The following BRIP1 variants were observed in gnomAD, a reference collection of about 807,000 sequenced individuals.
The protein encoded by BRIP1 is BRCA1 interacting DNA helicase 1, also known as Fanconi anemia group J protein.
A neutral mutation model predicts 119.7 loss-of-function variants in BRIP1; 88 were observed. That is an observed-to-expected ratio of 0.74 (90% CI 0.62 to 0.88). The LOEUF (loss-of-function observed/expected upper bound fraction) is 0.88. BRIP1 is among the 40% of genes least tolerant of loss of function. The pLI is 0.00. For missense variants in BRIP1, 1,259 were observed against 1,455.4 expected, an observed-to-expected ratio of 0.87 and a Z score of 2.20; for synonymous variants, 443 against 496.5, an observed-to-expected ratio of 0.89 and a Z score of 1.43.
At chr17:61,849,536 A>G (rs1374966145) in intron 4 of BRIP1, among the ~76,000 whole-genome samples, 1 of 152,184 alleles carries the variant, frequency 6.6e-6, no homozygotes, top group Non-Finnish European at 1.5e-5. Flanking sequence ...TAAAATGTAT[A>G]ACTGCAAGGA....
chr17:61,770,668 T>A lies in BRIP1; in HGVS notation c.2097+5733A>T, dbSNP rs938139970. ...ATAGGATTAAAGCTTCTGCATTCTA[T>A]TGAAAATTAAATTAGTATTAATCCA... is the stretch of plus-strand genomic sequence containing the variant. On this transcript the variant is annotated intron_variant, in intron 14 of 19. Coordinates refer to ENST00000259008, the MANE Select transcript of BRIP1 (RefSeq NM_032043.3). This position sits in a 1 kb window ranked among gnomAD's most constrained non-coding sequence, Gnocchi z 4.7. Among the ~76,000 whole-genome samples, 2 of 152,092 alleles carry A rather than the reference T, an allele frequency of 1.3e-5. No homozygotes were observed. Among genetic ancestry groups the A allele is most frequent in the Non-Finnish European group, 2.9e-5 (2 of 68,016 alleles).
Position 61,768,680 on chromosome 17 carries a change from C to A in BRIP1, c.2097+7721G>T, listed in dbSNP as rs2077405044. Among the ~76,000 whole-genome samples, 1 of 152,224 alleles carries A rather than the reference C, an allele frequency of 6.6e-6. No homozygotes were observed. The highest frequency in any genetic ancestry group is 6.5e-5 in the Admixed American group (1 of 15,280). On this transcript the variant is annotated intron_variant, in intron 14 of 19. Coordinates refer to ENST00000259008, the MANE Select transcript of BRIP1 (RefSeq NM_032043.3). The surrounding 1 kb of genome is among the most constrained non-coding windows in gnomAD (Gnocchi z 5.0). ...CCCTGTGATAAAAAGTTTATGATAG[C>A]CCCTAAGATTCCTACTCCCTATATA...
Position 61,680,969 on chromosome 17 carries a change from TGAG to T in BRIP1, c.*2324_*2326del, listed in dbSNP as rs1257677223. Among the ~76,000 whole-genome samples, 2 of 152,182 alleles carry T rather than the reference TGAG, an allele frequency of 1.3e-5. No individual in the cohort carries two copies. The highest frequency in any genetic ancestry group is 2.9e-5 in the Non-Finnish European group (2 of 68,020). On this transcript the variant is annotated 3_prime_UTR_variant, in exon 20 of 20. Transcript: ENST00000259008. The stretch of plus-strand genomic sequence containing the variant: ...TAATTGACTCACAGTTCTGCATGAC[TGAG>T]GAGGCCTCAAGAAACTTACAATCAT...
rs147486481 is a variant in BRIP1, at chr17:61,713,309, T to TA, written c.2492+2641dup. Reference sequence around the variant, plus strand: ...TACAGTGTACTCCTTTCACTTACATTAAAAAAAAAGTTAACTATAAAACAG... The same window carrying TA: ...TACAGTGTACTCCTTTCACTTACATTAAAAAAAAAAGTTAACTATAAAACAG... On this transcript the variant is annotated intron_variant, in intron 17 of 19. Transcript: ENST00000259008. The surrounding 1 kb of genome is among the most constrained non-coding windows in gnomAD (Gnocchi z 4.9). Among the ~76,000 whole-genome samples the TA allele has an allele frequency of 0.08, 12,049 of 150,978 alleles. 611 individuals carry two copies. Among genetic ancestry groups the TA allele is most frequent in the South Asian group, 0.26 (1,226 of 4,764 alleles).
At chr17:61,763,465 AC>A (rs1211637863) in intron 14 of BRIP1, among the ~76,000 whole-genome samples, 2 of 152,038 alleles carry the variant, frequency 1.3e-5, no homozygotes, top group African/African-American at 4.8e-5. Context: ...TTCCTTGATG[AC>A]TTTTTTCCTT....
intron 5 of BRIP1, among the ~76,000 whole-genome samples, chr17:61,847,720 G>A (rs2145749248): frequency 6.6e-6 from 1 of 152,192 alleles, no homozygotes; most frequent in East Asian, 1.9e-4. Context: ...AAACCAAGTT[G>A]CCTTTGATTA....
rs1017797309 is a variant in BRIP1 at position 61,838,522 on chromosome 17, C to CGACA, written c.627+8575_627+8578dup. 1.3e-3 allele frequency among the ~76,000 whole-genome samples: 196 copies of CGACA among 149,838 alleles called. 1 individual carries two copies. The highest frequency in any genetic ancestry group is 4.7e-3 in the African/African-American group (190 of 40,698). On this transcript the variant is annotated intron_variant, in intron 6 of 19. Coordinates refer to ENST00000259008, the MANE Select transcript of BRIP1 (RefSeq NM_032043.3). ...TCGCGCCACTGCACTCCAGCCTGGGCGACAGAGCGAGACTCCCTCTCAAAA... is the reference window on the plus strand; with the variant it reads ...TCGCGCCACTGCACTCCAGCCTGGGCGACAGACAGAGCGAGACTCCCTCTCAAAA...
chr17:61,787,191 A>C (rs1315228171), intron 10 of BRIP1, among the ~76,000 whole-genome samples: 1 of 86,956 alleles, frequency 1.2e-5, no homozygotes, highest in African/African-American at 5.0e-5. Flanking sequence ...AATATATTAT[A>C]TACTATATAA....
At chr17:61,733,024 T>C (rs2076870739) in intron 16 of BRIP1, among the ~76,000 whole-genome samples, 1 of 152,130 alleles carries the variant, frequency 6.6e-6, no homozygotes, top group Non-Finnish European at 1.5e-5. Flanking sequence ...AGAAGAGTAA[T>C]TCAAAAGGGA....
rs1035688215 is a variant in BRIP1, at chr17:61,704,471, C to G, written c.2493-10959G>C. Among the ~76,000 whole-genome samples, 6 of 151,970 alleles carry G rather than the reference C, an allele frequency of 3.9e-5. No individual in the cohort carries two copies. Among genetic ancestry groups the G allele is most frequent in the Admixed American group, 3.9e-4 (6 of 15,244 alleles). On this transcript the variant is annotated intron_variant, in intron 17 of 19. Coordinates refer to ENST00000259008, the MANE Select transcript of BRIP1 (RefSeq NM_032043.3). The surrounding 1 kb of genome is among the most constrained non-coding windows in gnomAD (Gnocchi z 5.7). The stretch of plus-strand genomic sequence containing the variant: ...TTTGCTAGATAGCTATGCGTGTTAT[C>G]TGTTTCATCTTGGCCTCATAAAATA...
intron 16 of BRIP1, among the ~76,000 whole-genome samples, chr17:61,733,253 T>C (rs1459757003): frequency 2.0e-5 from 3 of 152,190 alleles, no homozygotes; most frequent in African/African-American, 2.4e-5. Context: ...CCAGGTGCAA[T>C]TGGCGCGAGT....
At chr17:61,719,470 A>G (rs1405253013) in intron 16 of BRIP1, among the ~76,000 whole-genome samples, 5 of 152,260 alleles carry the variant, frequency 3.3e-5, no homozygotes, top group East Asian at 3.9e-4. Flanking sequence ...CAGGCCTGTA[A>G]TCCCAGCACT....
rs999685219 is a variant in BRIP1 at position 61,687,478 on chromosome 17, T to C, written c.2576-1313A>G. Among the ~76,000 whole-genome samples, 1 of 152,088 alleles carries C rather than the reference T, an allele frequency of 6.6e-6. No individual in the cohort carries two copies. The highest frequency in any genetic ancestry group is 1.5e-5 in the Non-Finnish European group (1 of 68,012). On this transcript the variant is annotated intron_variant, in intron 18 of 19. Transcript: ENST00000259008. The surrounding 1 kb of genome is among the most constrained non-coding windows in gnomAD (Gnocchi z 5.1). ...ACGTGGAAAGGGAAGATAAAACAAA[T>C]AAAGCAATATTTTCTGCTTTATGTT...
rs1360007463 is a variant in BRIP1 at position 61,755,614 on chromosome 17, A to G, written c.2098-11023T>C. 6.6e-6 allele frequency among the ~76,000 whole-genome samples: 1 copy of G among 152,146 alleles called. No individual in the cohort carries two copies. The highest frequency in any genetic ancestry group is 1.5e-5 in the Non-Finnish European group (1 of 68,012). On this transcript the variant is annotated intron_variant, in intron 14 of 19. Coordinates refer to ENST00000259008, the MANE Select transcript of BRIP1 (RefSeq NM_032043.3). This position sits in a 1 kb window ranked among gnomAD's most constrained non-coding sequence, Gnocchi z 4.5. Reference sequence around the variant, plus strand: ...TAAGAGTATCCAGATGCTTTGTAAGATGACAAAGATGAGGGGGAAAGAAGG... The same window carrying G: ...TAAGAGTATCCAGATGCTTTGTAAGGTGACAAAGATGAGGGGGAAAGAAGG...
rs1001138934 is a variant in BRIP1 at position 61,846,133 on chromosome 17, G to T, written c.627+968C>A. 1.1e-4 allele frequency among the ~76,000 whole-genome samples: 16 copies of T among 151,710 alleles called. No homozygotes were observed. The highest frequency in any genetic ancestry group is 3.9e-4 in the African/African-American group (16 of 41,260). ...GGAGGCGGAGCTTGCAGTGGGCGGA[G>T]ATCACGCCACCGCACTTCCAGCCTG... On this transcript the variant is annotated intron_variant, in intron 6 of 19. Transcript: ENST00000259008. The surrounding 1 kb of genome is among the most constrained non-coding windows in gnomAD (Gnocchi z 4.3).
rs1398626535 is a variant in BRIP1 at position 61,784,422 on chromosome 17, T to A, written c.1476A>T (p.Gly492=). 1 of 1,612,116 alleles carries A rather than the reference T, an allele frequency of 6.2e-7. No individual in the cohort carries two copies. Among genetic ancestry groups the A allele is most frequent in the African/African-American group, 1.3e-5 (1 of 74,878 alleles). ...ITTATFPILQ[G]HFSAVLQKEE... The stretch of plus-strand genomic sequence containing the variant: ...CTTTTTGAAGAACAGCAGAAAAATG[T>A]CCCTATAAGAAATTACCATATTAAG... Residue 492 remains glycine, a splice_region_variant and synonymous_variant, in exon 11 of 20, where the codon GGA becomes GGT. Transcript: ENST00000259008.
In BRIP1 at chr17:61,825,182, G is replaced by A. The variant is rs2078386178; in HGVS notation, c.628-16425C>T. On this transcript the variant is annotated intron_variant, in intron 6 of 19. Transcript: ENST00000259008. This position sits in a 1 kb window ranked among gnomAD's most constrained non-coding sequence, Gnocchi z 4.1. The stretch of plus-strand genomic sequence containing the variant: ...CACCTGTAGTCTCAGCTACTAGGGA[G>A]GCTGAGGCAGGAGAATGGCGTGAAC... Among the ~76,000 whole-genome samples, 1 of 152,038 alleles carries A rather than the reference G, an allele frequency of 6.6e-6. No homozygotes were observed. The highest frequency in any genetic ancestry group is 1.5e-5 in the Non-Finnish European group (1 of 68,002).
rs1016042546 is a variant in BRIP1 at position 61,806,605 on chromosome 17, T to C, written c.918+1862A>G. 6.6e-6 allele frequency among the ~76,000 whole-genome samples: 1 copy of C among 152,232 alleles called. No homozygotes were observed. On this transcript the variant is annotated intron_variant, in intron 7 of 19. Coordinates refer to ENST00000259008, the MANE Select transcript of BRIP1 (RefSeq NM_032043.3). This position sits in a 1 kb window ranked among gnomAD's most constrained non-coding sequence, Gnocchi z 4.9. ...AAACGTAACCAGCACTGTAGGATTCTAGGTTACACAAAATGAAACTGTCTG... is the reference window on the plus strand; with the variant it reads ...AAACGTAACCAGCACTGTAGGATTCCAGGTTACACAAAATGAAACTGTCTG...
In BRIP1 at chr17:61,796,118, A is replaced by G. The variant is rs2077895368; in HGVS notation, c.1341-2389T>C. 6.6e-6 allele frequency among the ~76,000 whole-genome samples: 1 copy of G among 152,068 alleles called. No homozygotes were observed. The highest frequency in any genetic ancestry group is 6.6e-5 in the Admixed American group (1 of 15,242). On this transcript the variant is annotated intron_variant, in intron 9 of 19. Transcript: ENST00000259008. This position sits in a 1 kb window ranked among gnomAD's most constrained non-coding sequence, Gnocchi z 4.8. The stretch of plus-strand genomic sequence containing the variant: ...ATTAGATTATTAGATTTTTTCCTAC[A>G]GAGTTGTTTGAGCTCCTTATATATT...
Sources: allele counts gnomAD v4.1 joint callset (sites outside exome capture counted in the v4.1 genomes callset), GRCh38; gene constraint gnomAD v4.1.1; non-coding constraint Gnocchi (gnomAD v3.1); transcripts MANE v1.5; gene names NCBI Gene and HGNC (gene_info 2026-07-23, HGNC 2026-07-21).